The following EPB41L1 variants were observed in gnomAD, a reference collection of about 807,000 sequenced individuals.
EPB41L1 encodes band 4.1-like protein 1.
In EPB41L1, 29 loss-of-function variants were observed where a neutral mutation model predicts 97.8. The ratio of observed to expected loss-of-function variants is 0.30; its 90% CI spans 0.22 to 0.40. EPB41L1 has a LOEUF of 0.40. Among genes scored for constraint, EPB41L1 ranks in the 10% least tolerant of loss-of-function variants. The pLI, the probability that EPB41L1 is intolerant of heterozygous loss-of-function variation, is 1.00. For missense variants in EPB41L1, 812 were observed against 1,162.3 expected (o/e 0.70, Z 4.38); for synonymous variants, 383 against 459.2 (o/e 0.83, Z 2.12).
intron 1 of EPB41L1, among the ~76,000 whole-genome samples, chr20:36,103,436 T>C (rs925857525): frequency 5.3e-5 from 8 of 152,216 alleles, no homozygotes; most frequent in African/African-American, 1.9e-4. Flanking sequence ...GGAGGCCAAG[T>C]AGGGCAATAA....
At chr20:36,165,427 G>A (rs1452817147) in intron 1 of EPB41L1, among the ~76,000 whole-genome samples, 1 of 151,930 alleles carries the variant, frequency 6.6e-6, no homozygotes, top group Non-Finnish European at 1.5e-5. Flanking sequence ...GGCTGGGTGT[G>A]GTGGCTCACG....
At chr20:36,167,978 G>A (rs1016098900) in intron 1 of EPB41L1, among the ~76,000 whole-genome samples, 1 of 152,132 alleles carries the variant, frequency 6.6e-6, no homozygotes, top group Non-Finnish European at 1.5e-5. Flanking sequence ...GCTAACCCTG[G>A]TTAGAGGGCC....
chr20:36,142,502 G>C lies in EPB41L1; in HGVS notation c.-10+30022G>C, dbSNP rs1203095285. Among the ~76,000 whole-genome samples, 8 of 152,262 alleles carry C rather than the reference G, an allele frequency of 5.3e-5. No individual in the cohort carries two copies. The South Asian group carries it at 1.2e-3, about 24-fold the overall frequency. On this transcript the variant is annotated intron_variant, in intron 2 of 19. Coordinates refer to the EPB41L1 transcript ENST00000202028. ...AAGGCTTATCATGTACTTTTTCAAC[G>C]ATGAAAGATGAAACCAGTTGATAGC... is the stretch of plus-strand genomic sequence containing the variant.
Position 36,173,856 on chromosome 20 carries a change from G to T in EPB41L1, c.79G>T (p.Ala27Ser). The T allele has an allele frequency of 6.2e-7, 1 of 1,613,898 alleles. No individual in the cohort carries two copies. Among genetic ancestry groups the T allele is most frequent in the South Asian group, 1.1e-5 (1 of 91,076 alleles). Residue 27 changes from alanine to serine, a missense_variant, in exon 2 of 22, where the codon GCT (alanine) becomes TCT (serine). By Grantham distance (99) the Ala-to-Ser change is moderately conservative. Coordinates refer to ENST00000338074, the MANE Select transcript of EPB41L1 (RefSeq NM_012156.2). Reference protein sequence around the residue: ...EAPQQPEAAAAVTTPVTPAGH... With the variant: ...EAPQQPEAAASVTTPVTPAGH... The stretch of plus-strand genomic sequence containing the variant: ...CCCGCAGCAGCCCGAGGCTGCTGCC[G>T]CTGTGACCACCCCTGTGACCCCTGC...
At chr20:36,183,539 G>A (rs1394330547) in intron 6 of EPB41L1, among the ~76,000 whole-genome samples, 2 of 152,182 alleles carry the variant, frequency 1.3e-5, no homozygotes, top group African/African-American at 4.8e-5. Context: ...CTTCCCTACT[G>A]ATACCTCTCC....
chr20:36,208,151 G>A (rs1391863636), intron 14 of EPB41L1: 4 of 323,194 alleles, frequency 1.2e-5, no homozygotes, highest in Middle Eastern at 4.3e-4. Flanking sequence ...CTTGTCCAGC[G>A]ATCTTTCTTC....
chr20:36,195,925 C>G lies in EPB41L1; in HGVS notation c.1485+561C>G, dbSNP rs995482524. ...TGCATCTGCCCCAACTCCAGTCCTACACCTCCCCCAGGCAGGGTCGACTAC... is the reference window on the plus strand; with the variant it reads ...TGCATCTGCCCCAACTCCAGTCCTAGACCTCCCCCAGGCAGGGTCGACTAC... On this transcript the variant is annotated intron_variant, in intron 13 of 21. Coordinates refer to ENST00000338074, the MANE Select transcript of EPB41L1 (RefSeq NM_012156.2). This position sits in a 1 kb window ranked among gnomAD's most constrained non-coding sequence, Gnocchi z 4.6. Among the ~76,000 whole-genome samples the G allele has an allele frequency of 6.6e-6, 1 of 152,202 alleles. No individual in the cohort carries two copies.
intron 2 of EPB41L1, among the ~76,000 whole-genome samples, chr20:36,134,710 G>A (rs938987591): frequency 2.0e-5 from 3 of 152,098 alleles, no homozygotes; most frequent in Non-Finnish European, 4.4e-5. Flanking sequence ...AGCTCCTCAG[G>A]GGTCCAGGTC....
In EPB41L1 at chr20:36,221,876, G is replaced by A; in HGVS notation, c.2452G>A (p.Gly818Arg). Residue 818 changes from glycine (G) to arginine (R), a missense_variant, in exon 20 of 22, where the codon GGG (glycine) becomes AGG (arginine). Transcript: ENST00000338074. ...TTHVTKTVKG[G>R]FSETRIEKRI... ...TCTCCCTCTGCAGACTGTGAAAGGA[G>A]GGTTTTCTGAGACAAGGATCGAGAA... 6.2e-7 allele frequency: 1 copy of A among 1,614,176 alleles called. No homozygotes were observed. The highest frequency in any genetic ancestry group is 8.5e-7 in the Non-Finnish European group (1 of 1,180,028).
chr20:36,163,254 T>G (rs577595742), intron 1 of EPB41L1, among the ~76,000 whole-genome samples: 8 of 152,232 alleles, frequency 5.3e-5, no homozygotes, highest in African/African-American at 1.7e-4. Context: ...AAGGGAAGGC[T>G]ATTGTTAACA....
Position 36,209,750 on chromosome 20 carries a change from A to G in EPB41L1, c.1931A>G (p.Asp644Gly), listed in dbSNP as rs2063025679. 6 of 1,590,642 alleles carry G rather than the reference A, an allele frequency of 3.8e-6. No homozygotes were observed. Among genetic ancestry groups the G allele is most frequent in the Non-Finnish European group, 5.1e-6 (6 of 1,166,836 alleles). ...EDFSRSLPEL[D>G]RDKSDSDTEG... ...TTCTCCCGCAGCCTGCCTGAGCTCG[A>G]CCGGGACAAAAGCGACTCGGACACT... The change falls in exon 15 of 22, where the codon GAC becomes GGC. Residue 644 changes from aspartate (D) to glycine (G), a missense_variant. Physicochemically the swap from Asp to Gly is moderately conservative, Grantham distance 94. Around this residue, in one of 3 missense-constraint regions of EPB41L1, gnomAD observed 498 missense variants for 622.7 expected, o/e 0.80. Coordinates refer to ENST00000338074, the MANE Select transcript of EPB41L1 (RefSeq NM_012156.2). The surrounding 1 kb of genome is among the most constrained non-coding windows in gnomAD (Gnocchi z 4.2).
At chr20:36,140,485 C>G (rs1810956594) in intron 2 of EPB41L1, among the ~76,000 whole-genome samples, 2 of 152,140 alleles carry the variant, frequency 1.3e-5, no homozygotes, top group Admixed American at 6.5e-5. Flanking sequence ...TCTCAGTTTT[C>G]TCATCTGTAA....
chr20:36,134,596 A>T (rs965723508), intron 2 of EPB41L1, among the ~76,000 whole-genome samples: 3 of 152,146 alleles, frequency 2.0e-5, no homozygotes, highest in South Asian at 2.1e-4. Flanking sequence ...TGTCCCACTG[A>T]ACATTTGCAG....
chr20:36,185,467 A>T, intron 7 of EPB41L1, 132 bp downstream of exon 7: 1 of 832,908 alleles, frequency 1.2e-6, no homozygotes, highest in Non-Finnish European at 2.0e-6. Context: ...AGCTTGAGGT[A>T]TATCTAAGAG....
intron 1 of EPB41L1, among the ~76,000 whole-genome samples, chr20:36,161,698 C>T (rs1309655719): frequency 6.6e-6 from 1 of 152,158 alleles, no homozygotes; most frequent in Non-Finnish European, 1.5e-5. Context: ...TGGTCTCGAA[C>T]TCCTGACCTC....
intron 1 of EPB41L1, chr20:36,110,777 A>C (rs2147586723): frequency 6.6e-6 from 1 of 152,274 alleles, no homozygotes; most frequent in East Asian, 1.9e-4. Flanking sequence ...GGGCTTTTTC[A>C]TCAAGGAGGC....
At chr20:36,196,622 C>A (rs1023511907) in intron 13 of EPB41L1, among the ~76,000 whole-genome samples, 2 of 152,182 alleles carry the variant, frequency 1.3e-5, no homozygotes, top group African/African-American at 4.8e-5. Context: ...CATAGTGGAT[C>A]CTTGGGTACC....
At chr20:36,223,609 T>C (rs1199154793) in intron 21 of EPB41L1, among the ~76,000 whole-genome samples, 1 of 152,164 alleles carries the variant, frequency 6.6e-6, no homozygotes, top group Non-Finnish European at 1.5e-5. Flanking sequence ...ATGATTCCAT[T>C]CGTAGGGAGT....
chr20:36,098,213 GC>G (rs1239902252), intron 1 of EPB41L1, among the ~76,000 whole-genome samples: 2 of 152,168 alleles, frequency 1.3e-5, no homozygotes, highest in African/African-American at 4.8e-5. Context: ...CTCATGAGGA[GC>G]CTCTGGGTCC....
Sources: gnomAD v4.1 joint callset for allele counts (sites outside exome capture counted in the v4.1 genomes callset) on GRCh38, gnomAD v4.1.1 for gene constraint, gnomAD v4.1.1 regional missense constraint, Gnocchi (gnomAD v3.1) non-coding constraint, MANE v1.5 for transcripts, NCBI Gene and HGNC (gene_info 2026-07-23, HGNC 2026-07-21) for gene names.